The following TMEFF1 variants were observed in gnomAD, a reference collection of about 807,000 sequenced individuals.
TMEFF1 encodes the protein tomoregulin-1.
Under a neutral mutation model 47.5 loss-of-function variants are expected in TMEFF1, and 20 were observed. The ratio of observed to expected loss-of-function variants is 0.42; its 90% CI spans 0.30 to 0.61. The LOEUF (loss-of-function observed/expected upper bound fraction) is 0.61, where lower values mean the gene tolerates loss of function less well. TMEFF1 is among the 20% of genes least tolerant of loss of function. The pLI, the probability that TMEFF1 is intolerant of heterozygous loss-of-function variation, is 0.19. For synonymous variants in TMEFF1, 162 were observed against 166.3 expected (o/e 0.97, Z 0.20); for missense variants, 411 against 471.1 (o/e 0.87, Z 1.18).
intron 2 of TMEFF1, among the ~76,000 whole-genome samples, chr9:100,505,931 G>A (rs903356850): frequency 6.6e-6 from 1 of 152,198 alleles, no homozygotes; most frequent in Non-Finnish European, 1.5e-5. Flanking sequence ...ATTGACTTAT[G>A]TAGACATCAT....
At chr9:100,507,640 G>A (rs1051649061) in intron 2 of TMEFF1, among the ~76,000 whole-genome samples, 1 of 152,058 alleles carries the variant, frequency 6.6e-6, no homozygotes, top group Admixed American at 6.6e-5. Context: ...TTGGTCACTT[G>A]TATGTCTTCT....
chr9:100,532,394 A>G (rs1205153555), intron 5 of TMEFF1, among the ~76,000 whole-genome samples: 1 of 152,252 alleles, frequency 6.6e-6, no homozygotes, highest in Non-Finnish European at 1.5e-5. Flanking sequence ...CAAATTTACA[A>G]GAAAAAAACA....
chr9:100,477,244 A>G (rs898739705), intron 1 of TMEFF1, among the ~76,000 whole-genome samples: 2 of 152,238 alleles, frequency 1.3e-5, no homozygotes, highest in African/African-American at 4.8e-5. Context: ...GAGACTTTCT[A>G]CCAACTTGGT....
chr9:100,544,275 T>C (rs1330309357), intron 5 of TMEFF1, among the ~76,000 whole-genome samples: 1 of 152,116 alleles, frequency 6.6e-6, no homozygotes, highest in Non-Finnish European at 1.5e-5. Context: ...ACTGGGCAAT[T>C]TGCAAAAGAA....
At chr9:100,476,962 C>T (rs12683824) in intron 1 of TMEFF1, among the ~76,000 whole-genome samples, 8 of 151,966 alleles carry the variant, frequency 5.3e-5, no homozygotes, top group Non-Finnish European at 4.4e-5. Flanking sequence ...TCCCAAAGTG[C>T]TGGGATTACA....
At chr9:100,562,951 A>G (rs566286976) in intron 8 of TMEFF1, among the ~76,000 whole-genome samples, 1 of 152,180 alleles carries the variant, frequency 6.6e-6, no homozygotes, top group Admixed American at 6.5e-5. Context: ...CTGAGTAGCT[A>G]GCACTACAGG....
chr9:100,539,348 G>A (rs1408667367), intron 5 of TMEFF1, among the ~76,000 whole-genome samples: 2 of 152,230 alleles, frequency 1.3e-5, no homozygotes, highest in Admixed American at 1.3e-4. Context: ...GTGGGTTTTT[G>A]GTCTCACCAA....
At chr9:100,562,225 C>G (rs952526784) in intron 8 of TMEFF1, among the ~76,000 whole-genome samples, 8 of 152,096 alleles carry the variant, frequency 5.3e-5, no homozygotes, top group African/African-American at 1.9e-4. Context: ...TTTGCTCACC[C>G]TTGCCTCCTG....
chr9:100,561,983 C>G (rs1839025763), intron 8 of TMEFF1, among the ~76,000 whole-genome samples: 1 of 152,078 alleles, frequency 6.6e-6, no homozygotes. Flanking sequence ...ATCCCTGATT[C>G]CAGAGAGGTT....
At chr9:100,532,964 CATT>C (rs749797752) in intron 5 of TMEFF1, among the ~76,000 whole-genome samples, 111 of 151,930 alleles carry the variant, frequency 7.3e-4, no homozygotes, top group Admixed American at 1.8e-3. Context: ...TGGAAATCAT[CATT>C]GTCAGTAAAC....
intron 1 of TMEFF1, among the ~76,000 whole-genome samples, chr9:100,494,064 C>A (rs769948860): frequency 1.3e-5 from 2 of 151,954 alleles, no homozygotes; most frequent in Non-Finnish European, 2.9e-5. Context: ...CACCTGTGTT[C>A]CCCCAGCTAC....
At chr9:100,474,745 G>A (rs1257669271) in intron 1 of TMEFF1, among the ~76,000 whole-genome samples, 2 of 152,034 alleles carry the variant, frequency 1.3e-5, no homozygotes, top group African/African-American at 4.8e-5. Flanking sequence ...CTGGATTCTG[G>A]CAGCAGCGGG....
chr9:100,477,953 G>A (rs1001524633), intron 1 of TMEFF1, among the ~76,000 whole-genome samples: 7 of 152,072 alleles, frequency 4.6e-5, no homozygotes, highest in African/African-American at 1.7e-4. Context: ...TGAAATTTGA[G>A]CATGTGTTTA....
At chr9:100,484,789 A>C (rs1358159680) in intron 1 of TMEFF1, among the ~76,000 whole-genome samples, 1 of 150,976 alleles carries the variant, frequency 6.6e-6, no homozygotes, top group Non-Finnish European at 1.5e-5. Flanking sequence ...TCCCCGGTTC[A>C]AGAGATTCTC....
intron 1 of TMEFF1, among the ~76,000 whole-genome samples, chr9:100,480,309 T>C (rs1362727644): frequency 1.3e-5 from 2 of 152,176 alleles, no homozygotes; most frequent in Non-Finnish European, 2.9e-5. Flanking sequence ...TCGTTTGTCA[T>C]TTGATTTTTC....
chr9:100,475,716 TGTGTGTGTGTG>T (rs2118218101), intron 1 of TMEFF1, among the ~76,000 whole-genome samples: 1 of 31,364 alleles, frequency 3.2e-5, no homozygotes, highest in South Asian at 1.4e-3. Context: ...GCAGAGCGAC[TGTGTGTGTGTG>T]TGTGTGTGTG....
intron 9 of TMEFF1, among the ~76,000 whole-genome samples, chr9:100,574,488 C>T (rs1839310344): frequency 6.6e-6 from 1 of 152,016 alleles, no homozygotes. Flanking sequence ...GGGCTTATCT[C>T]AACCTCCCGA....
Position 100,534,296 on chromosome 9 carries a change from T to G in TMEFF1, c.561-13448T>G, listed in dbSNP as rs560343786. Among the ~76,000 whole-genome samples the G allele has an allele frequency of 8.5e-5, 13 of 152,300 alleles. No individual in the cohort carries two copies. In the South Asian group the frequency reaches 2.7e-3, roughly 32 times the overall value. On this transcript the variant is annotated intron_variant, in intron 5 of 9. Coordinates refer to ENST00000374879, the MANE Select transcript of TMEFF1 (RefSeq NM_003692.5). ...AACACTGGTCTCAGCCCCTCACTGG[T>G]TTTTTTGATTGGGGGCTTTTAGATT... is the stretch of plus-strand genomic sequence containing the variant.
chr9:100,575,444 C>T (rs1474742722), intron 9 of TMEFF1, among the ~76,000 whole-genome samples: 1 of 152,166 alleles, frequency 6.6e-6, no homozygotes, highest in Admixed American at 6.5e-5. Flanking sequence ...GAGTTAGTGA[C>T]AGTACAAGAG....
Sources: gnomAD v4.1 joint callset for allele counts (sites outside exome capture counted in the v4.1 genomes callset) on GRCh38, gnomAD v4.1.1 for gene constraint, MANE v1.5 for transcripts, NCBI Gene and HGNC (gene_info 2026-07-23, HGNC 2026-07-21) for gene names.